The following ARHGAP32 variants were observed in gnomAD, a reference collection of about 807,000 sequenced individuals.
ARHGAP32 encodes rho GTPase-activating protein 32.
In ARHGAP32, 51 loss-of-function variants were observed where a neutral mutation model predicts 186.5. The ratio of observed to expected loss-of-function variants is 0.27; its 90% CI spans 0.22 to 0.35. ARHGAP32 has a LOEUF of 0.35. Ranked by LOEUF, ARHGAP32 falls within the 10% of genes least tolerant of loss-of-function variation. ARHGAP32 has a pLI of 1.00. For synonymous variants in ARHGAP32, 950 were observed against 964.3 expected (o/e 0.99, Z 0.27); for missense variants, 2,186 against 2,623.5 (o/e 0.83, Z 3.64).
At chr11:129,227,205 A>T (rs1272236536) in intron 1 of ARHGAP32, among the ~76,000 whole-genome samples, 2 of 152,028 alleles carry the variant, frequency 1.3e-5, no homozygotes, top group Non-Finnish European at 2.9e-5. Context: ...AGTGTTATAA[A>T]TTAAATTTTC....
intron 8 of ARHGAP32, 131 bp from the exon 9 acceptor site, chr11:129,064,155 A>G: frequency 1.4e-6 from 1 of 733,200 alleles, no homozygotes; most frequent in Non-Finnish European, 2.1e-6. Flanking sequence ...AAAAACTACC[A>G]TTTACTGGGT....
chr11:129,086,681 C>T (rs956086187), intron 6 of ARHGAP32, among the ~76,000 whole-genome samples: 45 of 151,836 alleles, frequency 3.0e-4, no homozygotes, highest in African/African-American at 8.2e-4. Flanking sequence ...ATTAGCCGGG[C>T]GTGGTGGTGG....
intron 1 of ARHGAP32, among the ~76,000 whole-genome samples, chr11:129,227,069 G>A (rs1395286934): frequency 1.3e-5 from 2 of 151,826 alleles, no homozygotes; most frequent in African/African-American, 2.4e-5. Flanking sequence ...TTTGGTTAAC[G>A]GGTACATGAT....
At chr11:129,149,389 C>A (rs542975680) in intron 2 of ARHGAP32, among the ~76,000 whole-genome samples, 6 of 152,212 alleles carry the variant, frequency 3.9e-5, no homozygotes, top group Non-Finnish European at 8.8e-5. Context: ...CTACCTCACT[C>A]CCCTGCCACC....
chr11:129,237,999 T>C (rs1944960231), intron 1 of ARHGAP32, among the ~76,000 whole-genome samples: 1 of 152,062 alleles, frequency 6.6e-6, no homozygotes, highest in African/African-American at 2.4e-5. Context: ...ATTTTGATGG[T>C]AGGGACAAGG....
At position 128,970,696 on chromosome 11, in the gene ARHGAP32, A is replaced by C; in HGVS notation, c.4517T>G (p.Leu1506Trp). The stretch of plus-strand genomic sequence containing the variant: ...GCAGTTTGGAGTCATATTGAAATGC[A>C]AACAGTTATCTGGACCAAAGGGTTC... ...TTEPFGPDNC[L>W]HFNMTPNCQY... Residue 1506 changes from leucine to tryptophan, a missense_variant, in exon 23 of 23, where the codon TTG becomes TGG. This residue lies in a region of ARHGAP32 where 1,502 missense variants were observed against 1,570.0 expected (regional missense o/e 0.96). Transcript: ENST00000682385. This position sits in a 1 kb window ranked among gnomAD's most constrained non-coding sequence, Gnocchi z 5.8. 1 of 1,614,158 alleles carries C rather than the reference A, an allele frequency of 6.2e-7. No homozygotes were observed. The highest frequency in any genetic ancestry group is 8.5e-7 in the Non-Finnish European group (1 of 1,180,034).
rs551805907 is a variant in ARHGAP32 at position 128,995,318 on chromosome 11, G to A, written c.1195+3001C>T. On this transcript the variant is annotated intron_variant, in intron 12 of 22. Transcript: ENST00000682385. ...AACTCCTGGGGTCCAGCAATCCCCCGACCTCAGCCTCCAAACTAGCTAGAA... is the reference window on the plus strand; with the variant it reads ...AACTCCTGGGGTCCAGCAATCCCCCAACCTCAGCCTCCAAACTAGCTAGAA... Among the ~76,000 whole-genome samples, 23 of 152,194 alleles carry A rather than the reference G, an allele frequency of 1.5e-4. No homozygotes were observed. In the South Asian group the frequency reaches 1.7e-3, roughly 11 times the overall value.
chr11:129,179,862 T>C (rs1944014188), intron 1 of ARHGAP32, among the ~76,000 whole-genome samples: 1 of 152,220 alleles, frequency 6.6e-6, no homozygotes, highest in Non-Finnish European at 1.5e-5. Flanking sequence ...AGTTAGTGGG[T>C]GCAGTGCACC....
chr11:129,159,159 A>G (rs1401107643), intron 2 of ARHGAP32, among the ~76,000 whole-genome samples: 3 of 152,226 alleles, frequency 2.0e-5, no homozygotes, highest in African/African-American at 7.2e-5. Context: ...GAGAAGCAAG[A>G]GCAAACAAAT....
chr11:129,272,392 T>C (rs1945484307), intron 1 of ARHGAP32, among the ~76,000 whole-genome samples: 1 of 152,182 alleles, frequency 6.6e-6, no homozygotes, highest in Non-Finnish European at 1.5e-5. Context: ...ATCAGTGCAT[T>C]AACATCCTAC....
At chr11:129,142,076 T>C (rs1943067545) in intron 2 of ARHGAP32, among the ~76,000 whole-genome samples, 2 of 149,206 alleles carry the variant, frequency 1.3e-5, no homozygotes, top group South Asian at 2.1e-4. Context: ...GCCCATGTTA[T>C]AGTAGTAAAA....
intron 2 of ARHGAP32, among the ~76,000 whole-genome samples, chr11:129,163,259 C>A (rs1218283936): frequency 2.0e-5 from 3 of 152,052 alleles, no homozygotes; most frequent in African/African-American, 7.2e-5. Flanking sequence ...ATGAATGTTT[C>A]CATTTTATTT....
chr11:129,271,312 G>A (rs964470428), intron 1 of ARHGAP32, among the ~76,000 whole-genome samples: 6 of 152,078 alleles, frequency 3.9e-5, no homozygotes, highest in Middle Eastern at 3.4e-3. Context: ...AGTCAGGTTC[G>A]GTTTATATTA....
intron 1 of ARHGAP32, among the ~76,000 whole-genome samples, chr11:129,238,756 AACACACACACACAC>A (rs71057936): frequency 6.7e-6 from 1 of 148,300 alleles, no homozygotes. Flanking sequence ...ACTTATTTTA[AACACACACACACAC>A]ACACACACAC....
intron 5 of ARHGAP32, among the ~76,000 whole-genome samples, chr11:129,107,850 A>T (rs1381306431): frequency 7.3e-6 from 1 of 137,746 alleles, no homozygotes; most frequent in Non-Finnish European, 1.6e-5. Flanking sequence ...CCTGGGCAAC[A>T]AGGGCAAAAC....
chr11:129,029,516 G>T (rs1939004392), intron 11 of ARHGAP32, among the ~76,000 whole-genome samples: 3 of 152,104 alleles, frequency 2.0e-5, no homozygotes, highest in Admixed American at 2.0e-4. Flanking sequence ...GTTAAAAAAG[G>T]GTAGGGGCCG....
intron 18 of ARHGAP32, among the ~76,000 whole-genome samples, chr11:128,979,652 C>G (rs1945653801): frequency 6.6e-6 from 1 of 152,090 alleles, no homozygotes; most frequent in African/African-American, 2.4e-5. Flanking sequence ...TATGTTCCAA[C>G]TTTTTGCTGA....
chr11:129,008,502 G>A (rs1937905222), intron 11 of ARHGAP32, among the ~76,000 whole-genome samples: 1 of 152,146 alleles, frequency 6.6e-6, no homozygotes, highest in South Asian at 2.1e-4. Flanking sequence ...ACAGACATTA[G>A]TGTCTTTTTT....
chr11:129,184,744 AAT>A (rs1465595028), intron 1 of ARHGAP32, among the ~76,000 whole-genome samples: 3 of 152,264 alleles, frequency 2.0e-5, no homozygotes, highest in African/African-American at 7.2e-5. Flanking sequence ...CGGGTAACAA[AAT>A]ATACATAACA....
Sources: gnomAD v4.1 joint callset for allele counts (sites outside exome capture counted in the v4.1 genomes callset) on GRCh38, gnomAD v4.1.1 for gene constraint, gnomAD v4.1.1 regional missense constraint, Gnocchi (gnomAD v3.1) non-coding constraint, MANE v1.5 for transcripts, NCBI Gene and HGNC (gene_info 2026-07-23, HGNC 2026-07-21) for gene names.